Variants in CHRNB3 observed in about 807,000 individuals in gnomAD.
CHRNB3 encodes cholinergic receptor nicotinic beta 3 subunit, also known as neuronal acetylcholine receptor subunit beta-3.
A neutral mutation model predicts 40.6 loss-of-function variants in CHRNB3; 37 were observed. That is an observed-to-expected ratio of 0.91 (90% CI 0.70 to 1.20). The LOEUF (loss-of-function observed/expected upper bound fraction) is 1.20. CHRNB3 is among the 50% of genes most tolerant of loss of function. The pLI, the probability that CHRNB3 is intolerant of heterozygous loss-of-function variation, is 0.00. For synonymous variants in CHRNB3, 207 were observed against 207.1 expected, an observed-to-expected ratio of 1.00 and a Z score of 0.00; for missense variants, 505 against 551.2, an observed-to-expected ratio of 0.92 and a Z score of 0.84.
intron 3 of CHRNB3, among the ~76,000 whole-genome samples, chr8:42,720,936 G>T (rs926928376): frequency 3.3e-5 from 5 of 152,246 alleles, no homozygotes; most frequent in Non-Finnish European, 7.3e-5. Flanking sequence ...GGTGCCTGTA[G>T]AAGGAAGGAA....
chr8:42,721,801 C>T (rs1440226261), intron 3 of CHRNB3: 1 of 152,164 alleles, frequency 6.6e-6, no homozygotes, highest in Non-Finnish European at 1.5e-5. Context: ...GAGTGTCCCA[C>T]CTCTTTTCCA....
chr8:42,722,182 T>C (rs1023273408), intron 3 of CHRNB3, among the ~76,000 whole-genome samples: 1 of 152,038 alleles, frequency 6.6e-6, no homozygotes, highest in Non-Finnish European at 1.5e-5. Flanking sequence ...GAGACCAGCC[T>C]GACCGACATG....
intron 3 of CHRNB3, among the ~76,000 whole-genome samples, chr8:42,711,263 T>A (rs901648935): frequency 6.6e-6 from 1 of 151,962 alleles, no homozygotes; most frequent in Non-Finnish European, 1.5e-5. Flanking sequence ...TGAGCCAAGA[T>A]CATGCCACTG....
At chr8:42,715,495 C>G (rs185037533) in intron 3 of CHRNB3, among the ~76,000 whole-genome samples, 2 of 152,276 alleles carry the variant, frequency 1.3e-5, no homozygotes, top group Admixed American at 1.3e-4. Context: ...ATTTGCCTCC[C>G]AGACACTGAA....
intron 5 of CHRNB3, 21 bp from the exon 6 acceptor site, chr8:42,736,463 G>A (rs55924223): frequency 6.0e-5 from 96 of 1,613,418 alleles, no homozygotes; most frequent in Non-Finnish European, 7.9e-5. Context: ...TGAGTGAAAG[G>A]CATCTTTTTC....
At chr8:42,723,020 A>G (rs1372995879) in intron 3 of CHRNB3, among the ~76,000 whole-genome samples, 2 of 151,960 alleles carry the variant, frequency 1.3e-5, no homozygotes, top group East Asian at 3.9e-4. Flanking sequence ...TTACTAAAAT[A>G]TCGTAATAAG....
intron 2 of CHRNB3, among the ~76,000 whole-genome samples, chr8:42,710,142 T>C (rs1404529804): frequency 2.0e-5 from 3 of 152,176 alleles, no homozygotes. Flanking sequence ...AAGATTCAGA[T>C]AGATTTTTCT....
At chr8:42,731,093 AAAT>A (rs983298379) in intron 4 of CHRNB3, among the ~76,000 whole-genome samples, 1 of 134,298 alleles carries the variant, frequency 7.4e-6, no homozygotes, top group Non-Finnish European at 1.6e-5. Context: ...AATAAATAAA[AAAT>A]AAAAAGTGAA....
At chr8:42,703,919 G>A (rs1014549495) in intron 1 of CHRNB3, among the ~76,000 whole-genome samples, 1 of 152,184 alleles carries the variant, frequency 6.6e-6, no homozygotes, top group East Asian at 1.9e-4. Context: ...TAATGCCAAT[G>A]ACTTCAGCTT....
At chr8:42,713,603 G>T (rs530351324) in intron 3 of CHRNB3, among the ~76,000 whole-genome samples, 1 of 152,228 alleles carries the variant, frequency 6.6e-6, no homozygotes, top group South Asian at 2.1e-4. Context: ...TGAAGTCTAG[G>T]CTTCTAGTGT....
At chr8:42,728,088 T>G (rs533300224) in intron 3 of CHRNB3, among the ~76,000 whole-genome samples, 1 of 152,212 alleles carries the variant, frequency 6.6e-6, no homozygotes, top group East Asian at 1.9e-4. Context: ...CCACTTTTAT[T>G]CAGAATGTAT....
intron 1 of CHRNB3, among the ~76,000 whole-genome samples, chr8:42,701,394 A>G (rs1357826083): frequency 6.6e-6 from 1 of 151,878 alleles, no homozygotes; most frequent in East Asian, 1.9e-4. Flanking sequence ...AAATTTAAAA[A>G]TTAGCCAGGC....
intron 1 of CHRNB3, among the ~76,000 whole-genome samples, chr8:42,700,827 T>C (rs1166823678): frequency 1.3e-5 from 2 of 152,128 alleles, no homozygotes; most frequent in Non-Finnish European, 2.9e-5. Context: ...TTAAGTCTTA[T>C]CAGTTGTTTG....
intron 3 of CHRNB3, among the ~76,000 whole-genome samples, chr8:42,728,938 G>T (rs1264676859): frequency 6.6e-6 from 1 of 152,064 alleles, no homozygotes; most frequent in Non-Finnish European, 1.5e-5. Flanking sequence ...ACCAATGATA[G>T]TAAGAGTCTC....
intron 1 of CHRNB3, among the ~76,000 whole-genome samples, chr8:42,703,069 T>C (rs1815844984): frequency 6.6e-6 from 1 of 152,024 alleles, no homozygotes; most frequent in South Asian, 2.1e-4. Flanking sequence ...TTAGCTTCAT[T>C]ATCAGTTCAC....
chr8:42,698,783 C>G (rs1010712690), intron 1 of CHRNB3, among the ~76,000 whole-genome samples: 1 of 152,150 alleles, frequency 6.6e-6, no homozygotes, highest in African/African-American at 2.4e-5. Flanking sequence ...CTTTATTATT[C>G]TATTTATTAT....
rs563575561 is a variant in CHRNB3 at position 42,719,057 on chromosome 8, C to T, written c.249+8623C>T. Among the ~76,000 whole-genome samples, 22 of 152,252 alleles carry T rather than the reference C, an allele frequency of 1.4e-4. No individual in the cohort carries two copies. The South Asian group carries it at 3.1e-3, about 22-fold the overall frequency. ...GGTGTTTGACGACGGCTTTGAGCAT[C>T]TCAGCTAGAACACACTATGCAAACA... On this transcript the variant is annotated intron_variant, in intron 3 of 5. Coordinates refer to ENST00000289957, the MANE Select transcript of CHRNB3 (RefSeq NM_000749.5).
intron 3 of CHRNB3, among the ~76,000 whole-genome samples, chr8:42,710,770 G>A (rs893113557): frequency 6.6e-6 from 1 of 152,168 alleles, no homozygotes; most frequent in Non-Finnish European, 1.5e-5. Flanking sequence ...TTTCTCCCAG[G>A]TAGGGAACTG....
At position 42,725,908 on chromosome 8, in the gene CHRNB3, G is replaced by T. The variant is rs182336103; in HGVS notation, c.250-4686G>T. On this transcript the variant is annotated intron_variant, in intron 3 of 5. Transcript: ENST00000289957. The stretch of plus-strand genomic sequence containing the variant: ...AAAAATTTTCTTTGGGCAAAGTCTC[G>T]CAATGGTTCTCTGCACCAGTAAACT... 7.2e-4 allele frequency: 617 copies of T among 854,480 alleles called. 7 individuals are homozygous for T. In the African/African-American group the frequency reaches 9.2e-3, roughly 13 times the overall value. 52.9% of individuals were successfully genotyped at this position (854,480 alleles called of 1,614,324 possible). A position where few individuals can be genotyped will look rare whatever the true frequency, so the allele number is the denominator to read the frequency against.
Sources: allele counts gnomAD v4.1 joint callset (sites outside exome capture counted in the v4.1 genomes callset), GRCh38; gene constraint gnomAD v4.1.1; transcripts MANE v1.5; gene names NCBI Gene and HGNC (gene_info 2026-07-23, HGNC 2026-07-21).